The following OR2AJ1 variants were observed in gnomAD, a reference collection of about 807,000 sequenced individuals.
OR2AJ1 encodes the protein olfactory receptor 2AJ1.
For missense variants in OR2AJ1, 280 were observed against 163.2 expected (o/e 1.72, Z -3.90); for synonymous variants, 105 against 60.3 (o/e 1.74, Z -3.44).
intron 1 of OR2AJ1, among the ~76,000 whole-genome samples, chr1:247,931,466 G>A (rs996328857): frequency 6.6e-6 from 1 of 152,122 alleles, no homozygotes; most frequent in Non-Finnish European, 1.5e-5. Flanking sequence ...ATCCCTGACT[G>A]ACTGGTTAAG....
chr1:247,927,887 T>G (rs1366791309), intron 1 of OR2AJ1, among the ~76,000 whole-genome samples: 1 of 152,230 alleles, frequency 6.6e-6, no homozygotes, highest in Non-Finnish European at 1.5e-5. Context: ...AGTATTCCAT[T>G]GTGTATACAT....
intron 1 of OR2AJ1, among the ~76,000 whole-genome samples, chr1:247,928,841 TC>T (rs1250751058): frequency 6.6e-6 from 1 of 152,176 alleles, no homozygotes; most frequent in Non-Finnish European, 1.5e-5. Flanking sequence ...ACGCCTGTAA[TC>T]CCAGCACTTT....
At chr1:247,929,584 T>TC (rs950677733) in intron 1 of OR2AJ1, among the ~76,000 whole-genome samples, 1 of 126,494 alleles carries the variant, frequency 7.9e-6, no homozygotes, top group South Asian at 2.6e-4. Flanking sequence ...CAGGCTCTAT[T>TC]CCCCCCCTTC....
intron 1 of OR2AJ1, among the ~76,000 whole-genome samples, chr1:247,932,301 A>G (rs1364282328): frequency 6.6e-6 from 1 of 152,214 alleles, no homozygotes; most frequent in Non-Finnish European, 1.5e-5. Flanking sequence ...ACACCACTAC[A>G]CTCCAGCATG....
intron 1 of OR2AJ1, among the ~76,000 whole-genome samples, chr1:247,927,411 G>A (rs1393910760): frequency 1.3e-5 from 2 of 151,758 alleles, no homozygotes; most frequent in Non-Finnish European, 2.9e-5. Context: ...ACAAATTTAT[G>A]GGGTACAGAG....
chr1:247,930,581 C>T (rs7512302), intron 1 of OR2AJ1, among the ~76,000 whole-genome samples: 3,897 of 152,022 alleles, frequency 0.026, 148 homozygotes, highest in African/African-American at 0.088. Context: ...GATTCACTAA[C>T]GGGAATAAAC....
rs200315705 is a variant in OR2AJ1, at chr1:247,933,892, A to G, written c.124A>G (p.Asn42Asp). 2.4e-4 allele frequency: 169 copies of G among 714,676 alleles called. No homozygotes were observed. The highest frequency in any genetic ancestry group is 5.0e-4 in the Admixed American group (25 of 49,848). 44.3% of individuals were successfully genotyped at this position (714,676 alleles called of 1,614,324 possible). A position where few individuals can be genotyped will look rare whatever the true frequency, so the allele number is the denominator to read the frequency against. ...CATTTTCATTATGAGTGTAACAGAA[A>G]ATACGCTCATGATCCTCCTCATTCG... Reference protein sequence around the residue: ...FVIFIMSVTENTLMILLIRSD... With the variant: ...FVIFIMSVTEDTLMILLIRSD... Residue 42 changes from asparagine (N) to aspartate (D), a missense_variant, in exon 2 of 2, where the codon AAT becomes GAT. Transcript: ENST00000318244.
Position 247,934,410 on chromosome 1 carries a change from C to G in OR2AJ1, c.642C>G (p.Ile214Met), listed in dbSNP as rs1484463178. The change falls in exon 2 of 2, where the codon ATC becomes ATG. Residue 214 changes from isoleucine (I) to methionine (M), a missense_variant. Physicochemically the swap from Ile to Met is conservative, Grantham distance 10 (BLOSUM62 1). Coordinates refer to ENST00000318244, the MANE Select transcript of OR2AJ1 (RefSeq NM_001355235.2). ...VIFLLIPFSL[I>M]SASYGQIILT... ...TCCTGCTGATCCCTTTCTCCTTGAT[C>G]TCTGCTTCTTATGGCCAAATTATTC... 4 of 717,816 alleles carry G rather than the reference C, an allele frequency of 5.6e-6. No individual in the cohort carries two copies. The highest frequency in any genetic ancestry group is 1.0e-5 in the Non-Finnish European group (4 of 385,240). The allele number at this position is 717,816 out of a possible 1,614,324, so 44.5% of individuals were successfully genotyped here.
chr1:247,929,262 C>T (rs538813666), intron 1 of OR2AJ1, among the ~76,000 whole-genome samples: 220 of 152,224 alleles, frequency 1.4e-3, no homozygotes, highest in African/African-American at 4.6e-3. Flanking sequence ...TGGTGAGTTT[C>T]TTTCTCCCTA....
At chr1:247,925,764 C>T (rs1197180372) in intron 1 of OR2AJ1, among the ~76,000 whole-genome samples, 1 of 152,020 alleles carries the variant, frequency 6.6e-6, no homozygotes, top group Non-Finnish European at 1.5e-5. Context: ...GTGTTTCTAT[C>T]CTATAAAAGC....
Position 247,934,539 on chromosome 1 carries a change from T to C in OR2AJ1, c.771T>C (p.Phe257=). ...VVTMYYGPFI[F]TYMRPKSYHT... Reference sequence around the variant, plus strand: ...CGATGTACTATGGGCCATTTATTTTTACATATATGAGACCTAAATCATACC... The same window carrying C: ...CGATGTACTATGGGCCATTTATTTTCACATATATGAGACCTAAATCATACC... The change falls in exon 2 of 2, where the codon TTT becomes TTC. Residue 257 remains phenylalanine, a synonymous_variant. Coordinates refer to ENST00000318244, the MANE Select transcript of OR2AJ1 (RefSeq NM_001355235.2). The C allele has an allele frequency of 1.4e-6, 1 of 717,540 alleles. No homozygotes were observed. Among genetic ancestry groups the C allele is most frequent in the South Asian group, 1.5e-5 (1 of 67,578 alleles). 44.4% of individuals were successfully genotyped at this position (717,540 alleles called of 1,614,324 possible).
At chr1:247,926,300 A>G (rs1660090283) in intron 1 of OR2AJ1, among the ~76,000 whole-genome samples, 2 of 152,262 alleles carry the variant, frequency 1.3e-5, no homozygotes, top group Admixed American at 1.3e-4. Flanking sequence ...GTAAGATAAT[A>G]GTTGACTAAA....
chr1:247,932,756 T>C (rs1660168282), intron 1 of OR2AJ1, among the ~76,000 whole-genome samples: 3 of 152,180 alleles, frequency 2.0e-5, no homozygotes, highest in African/African-American at 7.2e-5. Context: ...AGTATATATG[T>C]ATGTATTTAT....
In OR2AJ1 at chr1:247,934,276, G is replaced by C. The variant is rs534086913; in HGVS notation, c.508G>C (p.Gly170Arg). The change falls in exon 2 of 2, where the codon GGC (glycine) becomes CGC (arginine). Residue 170 changes from glycine to arginine, a missense_variant. Transcript: ENST00000318244. Reference protein sequence around the residue: ...TAYALQFPFCGSRAIDHFFCE... With the variant: ...TAYALQFPFCRSRAIDHFFCE... ...TTATGCACTGCAGTTTCCCTTCTGT[G>C]GCTCTAGGGCAATTGATCACTTCTT... is the stretch of plus-strand genomic sequence containing the variant. 3.0e-5 allele frequency: 22 copies of C among 728,996 alleles called. No individual in the cohort carries two copies. In the East Asian group the frequency reaches 5.5e-4, roughly 18 times the overall value. 45.2% of individuals were successfully genotyped at this position (728,996 alleles called of 1,614,324 possible).
chr1:247,931,723 C>G (rs1250616809), intron 1 of OR2AJ1, among the ~76,000 whole-genome samples: 1 of 152,058 alleles, frequency 6.6e-6, no homozygotes, highest in African/African-American at 2.4e-5. Flanking sequence ...ACCACTAAAA[C>G]AATTAAATCA....
intron 1 of OR2AJ1, among the ~76,000 whole-genome samples, chr1:247,929,564 G>T (rs994683864): frequency 1.3e-5 from 2 of 150,942 alleles, no homozygotes; most frequent in African/African-American, 4.9e-5. Context: ...CCTGAGTATT[G>T]ACTGTGTGCC....
intron 1 of OR2AJ1, among the ~76,000 whole-genome samples, chr1:247,931,222 A>AG (rs1394086415): frequency 1.3e-5 from 2 of 152,232 alleles, no homozygotes; most frequent in African/African-American, 4.8e-5. Flanking sequence ...ATTATTAACA[A>AG]GGTATACTTG....
Position 247,934,944 on chromosome 1 carries a change from C to T in OR2AJ1, c.*189C>T. The T allele has an allele frequency of 5.8e-6, 3 of 513,494 alleles. No individual in the cohort carries two copies. The highest frequency in any genetic ancestry group is 3.2e-5 in the East Asian group (1 of 31,528). 31.8% of individuals were successfully genotyped at this position (513,494 alleles called of 1,614,324 possible). A position where few individuals can be genotyped will look rare whatever the true frequency, so the allele number is the denominator to read the frequency against. On this transcript the variant is annotated 3_prime_UTR_variant, in exon 2 of 2. Transcript: ENST00000318244. ...ACCAATTATAATCATGCAACAGTTACAGGAAGTAGAAGTTACCCAAGGCGT... is the reference window on the plus strand; with the variant it reads ...ACCAATTATAATCATGCAACAGTTATAGGAAGTAGAAGTTACCCAAGGCGT...
At chr1:247,929,941 C>A (rs995059974) in intron 1 of OR2AJ1, among the ~76,000 whole-genome samples, 3 of 152,050 alleles carry the variant, frequency 2.0e-5, no homozygotes. Flanking sequence ...CATTATATTT[C>A]TATTATATCC....
Sources: gnomAD v4.1 joint callset for allele counts (sites outside exome capture counted in the v4.1 genomes callset) on GRCh38, gnomAD v4.1.1 for gene constraint, MANE v1.5 for transcripts, NCBI Gene and HGNC (gene_info 2026-07-23, HGNC 2026-07-21) for gene names.